Variants in TMEM25 observed in about 807,000 individuals in gnomAD.
The protein encoded by TMEM25 is transmembrane protein 25.
Under a neutral mutation model 37.0 loss-of-function variants are expected in TMEM25, and 36 were observed. The observed-to-expected ratio is 0.97, with a 90% CI of 0.75 to 1.28. The LOEUF is 1.28. Among genes scored for constraint, TMEM25 ranks in the 50% most tolerant of loss-of-function variants. The probability of loss-of-function intolerance (pLI) is 0.00; values close to 1 mark genes in which losing one functional copy is unlikely to be tolerated. For synonymous variants in TMEM25, 197 were observed against 203.7 expected (o/e 0.97, Z 0.28); for missense variants, 444 against 477.9 (o/e 0.93, Z 0.66).
chr11:118,545,260 C>T, intron 8 of TMEM25: 1 of 750,766 alleles, frequency 1.3e-6, no homozygotes, highest in African/African-American at 1.7e-5. Flanking sequence ...ATCCCTGCCT[C>T]CTTTGCTCTC....
At chr11:118,545,971 T>C (rs1301682480) in intron 8 of TMEM25, 1 of 839,410 alleles carries the variant, frequency 1.2e-6, no homozygotes, top group African/African-American at 1.7e-5. Flanking sequence ...GGCTGAAATG[T>C]GTTCCCCTAA....
At chr11:118,541,023 C>T (rs1555065180) in intron 8 of TMEM25, among the ~76,000 whole-genome samples, 3 of 152,096 alleles carry the variant, frequency 2.0e-5, no homozygotes, top group African/African-American at 4.8e-5. Flanking sequence ...TTCTGGAATT[C>T]GTAGTGATAG....
chr11:118,540,923 C>G (rs1951570066), intron 8 of TMEM25, among the ~76,000 whole-genome samples: 1 of 151,992 alleles, frequency 6.6e-6, no homozygotes, highest in Non-Finnish European at 1.5e-5. Flanking sequence ...AGTCAGAGAG[C>G]AAGTTAGTGG....
chr11:118,533,372 G>A, intron 4 of TMEM25, 48 bp from the exon 5 acceptor site: 1 of 1,610,232 alleles, frequency 6.2e-7, no homozygotes, highest in Non-Finnish European at 8.5e-7. Flanking sequence ...GGCATGTTGG[G>A]GCTGGGGCAC....
At position 118,533,077 on chromosome 11, in the gene TMEM25, G is replaced by C; in HGVS notation, c.543G>C (p.Val181=). The change falls in exon 4 of 9, where the codon GTG becomes GTC. Residue 181 remains valine, a synonymous_variant. Transcript: ENST00000313236. ...CTGTCAACACCTCTGACTTCCTGGTGCTGGATGCGCAGAACTACCCCTGGC... is the reference window on the plus strand; with the variant it reads ...CTGTCAACACCTCTGACTTCCTGGTCCTGGATGCGCAGAACTACCCCTGGC... ...PVTVNTSDFL[V]LDAQNYPWLT... is the part of the protein sequence containing the mutation. 3 of 1,614,070 alleles carry C rather than the reference G, an allele frequency of 1.9e-6. No homozygotes were observed. Among genetic ancestry groups the C allele is most frequent in the Non-Finnish European group, 2.5e-6 (3 of 1,180,034 alleles).
intron 8 of TMEM25, among the ~76,000 whole-genome samples, chr11:118,542,178 T>C (rs1470118921): frequency 6.6e-6 from 1 of 152,140 alleles, no homozygotes; most frequent in Non-Finnish European, 1.5e-5. Context: ...TGAGGGTCTT[T>C]TTGCTTGTGG....
chr11:118,533,168 A>G lies in TMEM25; in HGVS notation c.634A>G (p.Asn212Asp), dbSNP rs781978283. Residue 212 changes from asparagine (N) to aspartate (D), a missense_variant, in exon 4 of 9, where the codon AAT (asparagine) becomes GAT (aspartate). Physicochemically the swap from Asn to Asp is conservative, Grantham distance 23. Transcript: ENST00000313236. ...LAHNLSVVAT[N>D]DVGVTSASLP... ...ACACAACCTCTCGGTGGTGGCCACC[A>G]ATGACGTGGGTGTCACCAGTGCGTC... The G allele has an allele frequency of 6.3e-7, 1 of 1,579,720 alleles. No individual in the cohort carries two copies. The highest frequency in any genetic ancestry group is 1.7e-5 in the Admixed American group (1 of 57,674).
rs111550769 is a variant in TMEM25, at chr11:118,531,789, G to T, written c.-13G>T. The stretch of plus-strand genomic sequence containing the variant: ...CCTTCTCTCAGCAGCCTAGGGCCTA[G>T]GCCCGGGCCACCATGGCGCTGCCTC... On this transcript the variant is annotated 5_prime_UTR_variant, in exon 2 of 9. The change creates a new upstream start codon in the 5' untranslated region. Coordinates refer to ENST00000313236, the MANE Select transcript of TMEM25 (RefSeq NM_032780.4). The T allele has an allele frequency of 2.7e-3, 4,184 of 1,549,816 alleles. 76 individuals are homozygous for T. The African/African-American group carries it at 0.046, about 17-fold the overall frequency.
At position 118,531,217 on chromosome 11, in the gene TMEM25, G is replaced by T. The variant is rs782157363; in HGVS notation, c.-45G>T. The stretch of plus-strand genomic sequence containing the variant: ...AGACCTGAGCAGTTGCTCCGGCGGC[G>T]CTCGGGGAGGGAGCCAGGTGAGCCG... On this transcript the variant is annotated 5_prime_UTR_variant, in exon 1 of 9. Coordinates refer to ENST00000313236, the MANE Select transcript of TMEM25 (RefSeq NM_032780.4). 2.2e-6 allele frequency: 1 copy of T among 451,554 alleles called. No individual in the cohort carries two copies. The highest frequency in any genetic ancestry group is 2.4e-5 in the South Asian group (1 of 40,994). The allele number at this position is 451,554 out of a possible 1,614,324, so 28.0% of individuals were successfully genotyped here.
At position 118,533,564 on chromosome 11, in the gene TMEM25, C is replaced by T; in HGVS notation, c.805+13C>T. 1 of 1,613,834 alleles carries T rather than the reference C, an allele frequency of 6.2e-7. No homozygotes were observed. The highest frequency in any genetic ancestry group is 8.5e-7 in the Non-Finnish European group (1 of 1,179,860). ...AAGAAAACCAAAGGTAGGCCAGGGA[C>T]ACTGGGGGCAGTGTGGATGAGGTCA... On this transcript the variant is annotated intron_variant, in intron 5 of 8. Transcript: ENST00000313236.
At chr11:118,546,300 C>G (rs1555067137) in exon 9 of TMEM25, 7 of 620,312 alleles carry the variant, frequency 1.1e-5, no homozygotes, top group Non-Finnish European at 8.8e-6. Context: ...GAGTTCGAGA[C>G]CAGCCTGGGC....
At chr11:118,532,065 G>T (rs1255928493) in intron 2 of TMEM25, 85 bp from the exon 3 acceptor site, 3 of 1,433,986 alleles carry the variant, frequency 2.1e-6, no homozygotes, top group Non-Finnish European at 2.8e-6. Flanking sequence ...TTGGCCTGCT[G>T]CTCTTCTCAC....
At chr11:118,546,282 G>C in exon 9 of TMEM25, 1 of 648,916 alleles carries the variant, frequency 1.5e-6, no homozygotes, top group Non-Finnish European at 2.8e-6. Flanking sequence ...CAGATCGCCT[G>C]AGCCTAGGAG....
intron 6 of TMEM25, 56 bp downstream of exon 6, chr11:118,533,943 G>A: frequency 1.2e-6 from 2 of 1,614,038 alleles, no homozygotes; most frequent in Middle Eastern, 1.6e-4. Flanking sequence ...GATGGGGACA[G>A]GAGGGAGCCT....
At chr11:118,545,119 T>C in intron 8 of TMEM25, 1 of 876,414 alleles carries the variant, frequency 1.1e-6, no homozygotes, top group Non-Finnish European at 1.8e-6. Flanking sequence ...CCTTCCTGCT[T>C]CCATTCATGA....
downstream of TMEM25, among the ~76,000 whole-genome samples, chr11:118,538,159 T>A (rs2135427788): frequency 6.6e-6 from 1 of 152,202 alleles, no homozygotes; most frequent in Non-Finnish European, 1.5e-5. Context: ...CTCATCAATA[T>A]CTGTAATTAT....
downstream of TMEM25, among the ~76,000 whole-genome samples, chr11:118,538,288 C>T (rs1565338721): frequency 6.6e-6 from 1 of 151,802 alleles, no homozygotes; most frequent in Non-Finnish European, 1.5e-5. Context: ...TCTTCTGCCT[C>T]AGCCTCCCCA....
chr11:118,534,531 G>A lies in TMEM25; in HGVS notation c.1052G>A (p.Gly351Asp), dbSNP rs768273965. The change falls in exon 9 of 9, where the codon GGC becomes GAC. Residue 351 changes from glycine to aspartate, a missense_variant. Physicochemically the swap from Gly to Asp is moderately conservative, Grantham distance 94 (BLOSUM62 -1). Transcript: ENST00000313236. This position sits in a 1 kb window ranked among gnomAD's most constrained non-coding sequence, Gnocchi z 4.6. ...GGTTTCATCCGCCTCCCAGTGCTGG[G>A]CTATATCTATCGAGTGTCCAGCGTG... ...SQGFIRLPVL[G>D]YIYRVSSVSS... is the part of the protein sequence containing the mutation. 3 of 1,614,220 alleles carry A rather than the reference G, an allele frequency of 1.9e-6. No homozygotes were observed. Among genetic ancestry groups the A allele is most frequent in the Admixed American group, 3.3e-5 (2 of 60,022 alleles).
At chr11:118,538,085 A>C (rs568252178), downstream of TMEM25, among the ~76,000 whole-genome samples, 59 of 152,296 alleles carry the variant, frequency 3.9e-4, no homozygotes, top group African/African-American at 1.3e-3. Context: ...GGTTTTCCAT[A>C]GTGGTTGTAC....
Sources: gnomAD v4.1 joint callset for allele counts (sites outside exome capture counted in the v4.1 genomes callset) on GRCh38, gnomAD v4.1.1 for gene constraint, Gnocchi (gnomAD v3.1) non-coding constraint, MANE v1.5 for transcripts, NCBI Gene and HGNC (gene_info 2026-07-23, HGNC 2026-07-21) for gene names.